DENND1A: variants seen among roughly 807,000 people sequenced by gnomAD.
DENND1A encodes DENN domain-containing protein 1A.
A neutral mutation model predicts 113.7 loss-of-function variants in DENND1A; 51 were observed. The observed-to-expected ratio is 0.45, with a 90% CI of 0.36 to 0.57. The LOEUF (loss-of-function observed/expected upper bound fraction) is 0.57, where lower values mean the gene tolerates loss of function less well. Ranked by LOEUF, DENND1A falls within the 20% of genes least tolerant of loss-of-function variation. DENND1A has a pLI of 0.00. For missense variants in DENND1A, 1,258 were observed against 1,395.9 expected (o/e 0.90, Z 1.57); for synonymous variants, 565 against 570.8 (o/e 0.99, Z 0.14).
chr9:123,535,791 C>T (rs889483144), intron 13 of DENND1A, among the ~76,000 whole-genome samples: 6 of 152,188 alleles, frequency 3.9e-5, no homozygotes, highest in African/African-American at 9.7e-5. Context: ...CTTCATGGCA[C>T]GCATCACTAT....
At chr9:123,524,521 A>G (rs747028991) in intron 13 of DENND1A, among the ~76,000 whole-genome samples, 1 of 152,340 alleles carries the variant, frequency 6.6e-6, no homozygotes, top group Non-Finnish European at 1.5e-5. Context: ...CCTGTCTCCA[A>G]ATATTTAGAA....
At chr9:123,678,728 C>A in intron 5 of DENND1A, among the ~76,000 whole-genome samples, 1 of 152,220 alleles carries the variant, frequency 6.6e-6, no homozygotes, top group East Asian at 1.9e-4. Flanking sequence ...TGATAAGCAA[C>A]TTAACTTTTC....
intron 5 of DENND1A, among the ~76,000 whole-genome samples, chr9:123,711,981 C>G (rs1046752384): frequency 6.6e-6 from 1 of 152,174 alleles, no homozygotes; most frequent in Non-Finnish European, 1.5e-5. Flanking sequence ...GTCTCTTTTC[C>G]TTTCATCCCT....
intron 2 of DENND1A, among the ~76,000 whole-genome samples, chr9:123,810,575 A>G (rs530979592): frequency 3.3e-4 from 49 of 149,496 alleles, no homozygotes; most frequent in African/African-American, 1.2e-3. Context: ...AAAAACAAAC[A>G]TACTAACGAA....
At chr9:123,571,453 T>C (rs2058351491) in intron 12 of DENND1A, among the ~76,000 whole-genome samples, 1 of 152,244 alleles carries the variant, frequency 6.6e-6, no homozygotes, top group African/African-American at 2.4e-5. Context: ...CCCTTGGCAG[T>C]CAGGCCCTGC....
intron 5 of DENND1A, chr9:123,751,152 T>C (rs1248379517): frequency 6.6e-6 from 1 of 152,226 alleles, no homozygotes; most frequent in Admixed American, 6.5e-5. Flanking sequence ...AAAGCCAAAG[T>C]TCTTAAAGCC....
intron 13 of DENND1A, among the ~76,000 whole-genome samples, chr9:123,545,738 A>G (rs1359935161): frequency 6.6e-6 from 1 of 152,094 alleles, no homozygotes; most frequent in African/African-American, 2.4e-5. Context: ...AAGTGCTGGG[A>G]TTACAGGTGT....
chr9:123,385,098 G>A (rs965518249), intron 22 of DENND1A, among the ~76,000 whole-genome samples: 1 of 152,240 alleles, frequency 6.6e-6, no homozygotes, highest in Non-Finnish European at 1.5e-5. Context: ...CTGGGTAGAT[G>A]GAGAGGCAGC....
chr9:123,441,381 C>A (rs1110320), intron 18 of DENND1A, among the ~76,000 whole-genome samples: 69,273 of 152,004 alleles, frequency 0.46, 18,984 homozygotes, highest in East Asian at 0.62. Flanking sequence ...CCCTTCTTAC[C>A]CCTCATCTTT....
At chr9:123,920,258 C>T (rs1236085995) in intron 1 of DENND1A, among the ~76,000 whole-genome samples, 1 of 152,036 alleles carries the variant, frequency 6.6e-6, no homozygotes, top group Admixed American at 6.6e-5. Flanking sequence ...TGGAGAAATC[C>T]GTCTCTACTA....
intron 9 of DENND1A, among the ~76,000 whole-genome samples, chr9:123,651,398 G>T (rs1266377620): frequency 6.6e-6 from 1 of 151,792 alleles, no homozygotes; most frequent in Admixed American, 6.6e-5. Flanking sequence ...ACGTACACAC[G>T]TGCGCACATG....
chr9:123,625,154 T>A (rs957220603), intron 10 of DENND1A, among the ~76,000 whole-genome samples: 1 of 152,224 alleles, frequency 6.6e-6, no homozygotes, highest in African/African-American at 2.4e-5. Context: ...TTAATAAAAA[T>A]TTGATCATAG....
At chr9:123,556,771 C>T (rs1186036065) in intron 13 of DENND1A, among the ~76,000 whole-genome samples, 1 of 152,214 alleles carries the variant, frequency 6.6e-6, no homozygotes, top group Non-Finnish European at 1.5e-5. Flanking sequence ...TGACCCAGGT[C>T]CCTAGGCCAG....
At chr9:123,743,038 A>G (rs972762722) in intron 5 of DENND1A, among the ~76,000 whole-genome samples, 1 of 152,214 alleles carries the variant, frequency 6.6e-6, no homozygotes, top group African/African-American at 2.4e-5. Flanking sequence ...TTGGCAGACA[A>G]CATGGGAATA....
rs77331810 is a variant in DENND1A, at chr9:123,422,319, G to A, written c.1489-10490C>T. Among the ~76,000 whole-genome samples the A allele has an allele frequency of 6.6e-6, 1 of 152,182 alleles. No individual in the cohort carries two copies. Among genetic ancestry groups the A allele is most frequent in the Non-Finnish European group, 1.5e-5 (1 of 68,034 alleles). On this transcript the variant is annotated intron_variant, in intron 19 of 23. Transcript: ENST00000394215. This position sits in a 1 kb window ranked among gnomAD's most constrained non-coding sequence, Gnocchi z 4.8. ...CTGGCAACATTCCTGGCATGCTTCT[G>A]ATCAGGAAAAACCCTCTACCTACAG... is the stretch of plus-strand genomic sequence containing the variant.
At chr9:123,449,364 G>A (rs554573213) in intron 18 of DENND1A, among the ~76,000 whole-genome samples, 19 of 152,194 alleles carry the variant, frequency 1.2e-4, no homozygotes, top group East Asian at 3.9e-4. Flanking sequence ...GCGAAACCCC[G>A]TCTCTAATAA....
chr9:123,900,763 G>A (rs1202693353), intron 1 of DENND1A, among the ~76,000 whole-genome samples: 1 of 152,162 alleles, frequency 6.6e-6, no homozygotes, highest in Admixed American at 6.5e-5. Flanking sequence ...ATAGGATTAT[G>A]GAGAGGATTA....
chr9:123,584,474 A>G (rs536632980), intron 11 of DENND1A, among the ~76,000 whole-genome samples: 2 of 152,292 alleles, frequency 1.3e-5, no homozygotes, highest in South Asian at 4.1e-4. Context: ...CCTTTTCCTA[A>G]TTCACCCCAG....
At chr9:123,609,642 G>C (rs924182537) in intron 10 of DENND1A, among the ~76,000 whole-genome samples, 161 bp from the exon 11 acceptor site, 3 of 152,096 alleles carry the variant, frequency 2.0e-5, no homozygotes, top group Non-Finnish European at 4.4e-5. Context: ...TTGTTCCCAA[G>C]CCTAGAAACT....
Sources: allele counts gnomAD v4.1 joint callset (sites outside exome capture counted in the v4.1 genomes callset), GRCh38; gene constraint gnomAD v4.1.1; non-coding constraint Gnocchi (gnomAD v3.1); transcripts MANE v1.5; gene names NCBI Gene and HGNC (gene_info 2026-07-23, HGNC 2026-07-21).